The following SLC3A2 variants were observed in gnomAD, a reference collection of about 807,000 sequenced individuals.
SLC3A2 encodes solute carrier family 3 member 2, also known as amino acid transporter heavy chain SLC3A2.
In SLC3A2, 32 loss-of-function variants were observed where a neutral mutation model predicts 48.5. The ratio of observed to expected loss-of-function variants is 0.66; its 90% confidence interval spans 0.50 to 0.89. SLC3A2 has a LOEUF of 0.89. SLC3A2 is among the 40% of genes least tolerant of loss of function. The pLI, the probability that SLC3A2 is intolerant of heterozygous loss-of-function variation, is 0.00. For synonymous variants in SLC3A2, 277 were observed against 288.8 expected (o/e 0.96, Z 0.41); for missense variants, 587 against 680.7 (o/e 0.86, Z 1.53).
chr11:62,875,750 A>G (rs1027466105), intron 1 of SLC3A2, among the ~76,000 whole-genome samples: 3 of 152,004 alleles, frequency 2.0e-5, no homozygotes, highest in Admixed American at 1.3e-4. Flanking sequence ...TATTTTTAGT[A>G]GAGATGGGGT....
chr11:62,867,322 C>CTTTTTTTTTTTTTTTT (rs56758000), intron 1 of SLC3A2, among the ~76,000 whole-genome samples: 10 of 67,642 alleles, frequency 1.5e-4, no homozygotes, highest in African/African-American at 2.6e-4. Flanking sequence ...CTTTTCTTTT[C>CTTTTTTTTTTTTTTTT]TTTTTTTTTT....
chr11:62,882,137 T>C, intron 2 of SLC3A2, 71 bp downstream of exon 2: 1 of 1,570,168 alleles, frequency 6.4e-7, no homozygotes. Flanking sequence ...GCTAGAACTT[T>C]TGTCTGGTTT....
intron 1 of SLC3A2, among the ~76,000 whole-genome samples, chr11:62,860,630 C>T (rs2085389567): frequency 6.6e-6 from 1 of 152,130 alleles, no homozygotes; most frequent in Non-Finnish European, 1.5e-5. Context: ...AAGAGGCCTT[C>T]CTCTTTCACT....
rs533884404 is a variant in SLC3A2 at position 62,861,672 on chromosome 11, T to C, written c.112+5291T>C. ...GGCTCATGCCTGTAATTCCAGCACG[T>C]TGGGAGGCCTAGGCGTGTGGATCAC... is the stretch of plus-strand genomic sequence containing the variant. On this transcript the variant is annotated intron_variant, in intron 1 of 9. Coordinates refer to the SLC3A2 transcript ENST00000377889. Among the ~76,000 whole-genome samples the C allele has an allele frequency of 5.9e-5, 9 of 152,200 alleles. No homozygotes were observed. The East Asian group carries it at 1.5e-3, about 26-fold the overall frequency.
chr11:62,858,855 A>G (rs371938993), intron 1 of SLC3A2, among the ~76,000 whole-genome samples: 2 of 152,144 alleles, frequency 1.3e-5, no homozygotes, highest in Non-Finnish European at 2.9e-5. Flanking sequence ...AAACATCTCA[A>G]TGCTTTACAA....
At chr11:62,887,023 C>T (rs964220136) in intron 7 of SLC3A2, among the ~76,000 whole-genome samples, 1 of 152,154 alleles carries the variant, frequency 6.6e-6, no homozygotes, top group East Asian at 1.9e-4. Flanking sequence ...CAGGTGCGAG[C>T]CACTGCACCC....
At chr11:62,857,252 G>C (rs1389588013) in intron 1 of SLC3A2, among the ~76,000 whole-genome samples, 1 of 152,196 alleles carries the variant, frequency 6.6e-6, no homozygotes, top group Non-Finnish European at 1.5e-5. Flanking sequence ...CTCCTGAGTA[G>C]CTGGGATTAC....
chr11:62,880,864 C>T (rs2085623724), upstream of SLC3A2: 4 of 1,402,242 alleles, frequency 2.9e-6, no homozygotes, highest in South Asian at 4.7e-5. Flanking sequence ...GGCTCCGCTG[C>T]CCCTTCCCAG....
intron 3 of SLC3A2, chr11:62,883,975 C>T (rs2085674605): frequency 2.2e-6 from 1 of 456,454 alleles, no homozygotes; most frequent in Non-Finnish European, 4.4e-6. Context: ...TTATTGTACT[C>T]ACACCTTCCC....
At chr11:62,856,139 A>T, upstream of SLC3A2, 1 of 670,680 alleles carries the variant, frequency 1.5e-6, no homozygotes, top group Non-Finnish European at 2.4e-6. Flanking sequence ...CACCCAGTGC[A>T]TGTGGCAGGA....
In SLC3A2 at chr11:62,884,176, G is replaced by T. The variant is rs566701475; in HGVS notation, c.691-281G>T. 35 of 563,854 alleles carry T rather than the reference G, an allele frequency of 6.2e-5. No individual in the cohort carries two copies. The South Asian group carries it at 6.5e-4, about 10-fold the overall frequency. The allele number at this position is 563,854 out of a possible 1,614,324, so 34.9% of individuals were successfully genotyped here. A position where few individuals can be genotyped will look rare whatever the true frequency, so the allele number is the denominator to read the frequency against. The stretch of plus-strand genomic sequence containing the variant: ...ATGTTTATGGACATACCTTTTCTCT[G>T]GGGCCTTTTCTGTGGCTTTCAAAGT... On this transcript the variant is annotated intron_variant, in intron 3 of 8. Transcript: ENST00000338663.
In SLC3A2 at chr11:62,880,927, A is replaced by G. The variant is rs1315625726; in HGVS notation, c.-97A>G. The G allele has an allele frequency of 2.2e-5, 33 of 1,468,392 alleles. No homozygotes were observed. Among genetic ancestry groups the G allele is most frequent in the Non-Finnish European group, 2.8e-5 (31 of 1,110,304 alleles). 91.0% of individuals were successfully genotyped at this position (1,468,392 alleles called of 1,614,324 possible). On this transcript the variant is annotated 5_prime_UTR_variant, in exon 1 of 9. Transcript: ENST00000338663. ...AGTAGCCGAAACTGCGCGGAGGCAC[A>G]GAGGCCGGGGAGAGCGTTCTGGGTC...
chr11:62,867,918 T>C (rs1296774310), intron 1 of SLC3A2, among the ~76,000 whole-genome samples: 1 of 152,036 alleles, frequency 6.6e-6, no homozygotes, highest in East Asian at 1.9e-4. Context: ...CAAATTATTT[T>C]TCAAAAAAAA....
intron 1 of SLC3A2, among the ~76,000 whole-genome samples, chr11:62,857,140 A>G (rs2085339279): frequency 6.7e-6 from 1 of 150,366 alleles, no homozygotes; most frequent in Non-Finnish European, 1.5e-5. Context: ...TTTTTCTTTC[A>G]AGACGGAGGC....
At chr11:62,859,328 A>T (rs567696714) in intron 1 of SLC3A2, among the ~76,000 whole-genome samples, 2 of 152,282 alleles carry the variant, frequency 1.3e-5, no homozygotes, top group East Asian at 3.9e-4. Context: ...GACACAGCAC[A>T]TGTTTCAGAG....
At chr11:62,882,715 G>A in intron 2 of SLC3A2, 193 bp from the exon 3 acceptor site, 1 of 574,878 alleles carries the variant, frequency 1.7e-6, no homozygotes, top group Non-Finnish European at 3.2e-6. Context: ...AACTCGCCTG[G>A]CCTGCCTTCC....
intron 1 of SLC3A2, among the ~76,000 whole-genome samples, chr11:62,858,993 T>G (rs1472603071): frequency 6.6e-6 from 1 of 152,164 alleles, no homozygotes; most frequent in African/African-American, 2.4e-5. Context: ...AGGAGACAGA[T>G]GCCTTCCTCT....
intron 1 of SLC3A2, chr11:62,871,713 AT>A (rs1370783337): frequency 3.8e-5 from 21 of 549,066 alleles, no homozygotes; most frequent in Non-Finnish European, 6.8e-5. Flanking sequence ...ATCTGGTAGA[AT>A]TTGTCTTTAA....
At chr11:62,871,519 C>A (rs2085516500) in intron 1 of SLC3A2, 2 of 550,648 alleles carry the variant, frequency 3.6e-6, no homozygotes, top group East Asian at 3.5e-5. Flanking sequence ...GGATTACAGG[C>A]GTGAGCCACT....
Sources: gnomAD v4.1 joint callset for allele counts (sites outside exome capture counted in the v4.1 genomes callset) on GRCh38, gnomAD v4.1.1 for gene constraint, MANE v1.5 for transcripts, NCBI Gene and HGNC (gene_info 2026-07-23, HGNC 2026-07-21) for gene names.